Variants in ESPN observed in about 807,000 individuals in gnomAD.
The protein encoded by ESPN is autosomal recessive deafness type 36 protein.
ESPN carries 68 observed loss-of-function variants against 77.7 expected under a neutral mutation model. The observed-to-expected ratio is 0.87, with a 90% CI of 0.72 to 1.07. ESPN has a LOEUF of 1.07. Ranked by LOEUF, ESPN falls within the 50% of genes least tolerant of loss-of-function variation. ESPN has a pLI of 0.00. For missense variants in ESPN, 1,060 were observed against 1,239.0 expected (o/e 0.86, Z 2.17); for synonymous variants, 449 against 567.1 (o/e 0.79, Z 2.96).
In ESPN at chr1:6,451,510, T is replaced by C. The variant is rs1436508513; in HGVS notation, c.1916-93T>C. ...CCGGAGGATGGGCACCCATCCAATC[T>C]TGGCTTAGGAAAGGGGCTGCAGAGG... On this transcript the variant is annotated intron_variant, in intron 8 of 12. Transcript: ENST00000645284. This position sits in a 1 kb window ranked among gnomAD's most constrained non-coding sequence, Gnocchi z 4.3. 3.2e-5 allele frequency: 49 copies of C among 1,534,242 alleles called. No homozygotes were observed. The highest frequency in any genetic ancestry group is 4.1e-5 in the Non-Finnish European group (46 of 1,129,820).
rs77960510 is a variant in ESPN at position 6,427,215 on chromosome 1, A to C, written c.295-1011A>C. On this transcript the variant is annotated intron_variant, in intron 1 of 12. Transcript: ENST00000645284. This position sits in a 1 kb window ranked among gnomAD's most constrained non-coding sequence, Gnocchi z 4.6. Reference sequence around the variant, plus strand: ...GATCCTAGTGAAGTGTGTCCACTGCATCCTGCACCCAGAACCCTGCCCACC... The same window carrying C: ...GATCCTAGTGAAGTGTGTCCACTGCCTCCTGCACCCAGAACCCTGCCCACC... 0.077 allele frequency among the ~76,000 whole-genome samples: 11,710 copies of C among 152,020 alleles called. 568 individuals are homozygous for C. Among genetic ancestry groups the C allele is most frequent in the African/African-American group, 0.13 (5,435 of 41,422 alleles).
chr1:6,443,435 G>C lies in ESPN; in HGVS notation c.991-1046G>C, dbSNP rs532912070. On this transcript the variant is annotated intron_variant, in intron 5 of 12. Transcript: ENST00000645284. Reference sequence around the variant, plus strand: ...TTATCTGCTGCCTACAGGGGTCAGGGCTTGGTGCCCTCAGCACCCACTGCT... The same window carrying C: ...TTATCTGCTGCCTACAGGGGTCAGGCCTTGGTGCCCTCAGCACCCACTGCT... Among the ~76,000 whole-genome samples, 3 of 152,362 alleles carry C rather than the reference G, an allele frequency of 2.0e-5. No individual in the cohort carries two copies. In the East Asian group the frequency reaches 5.8e-4, roughly 29 times the overall value.
intron 5 of ESPN, among the ~76,000 whole-genome samples, chr1:6,442,418 A>G (rs2148521810): frequency 6.6e-6 from 1 of 151,730 alleles, no homozygotes; most frequent in Admixed American, 6.6e-5. Context: ...AAAATACAAA[A>G]AAAAATTTAG....
downstream of ESPN, chr1:6,461,151 T>TTTTG (rs1553170794): frequency 1.6e-6 from 1 of 639,094 alleles, no homozygotes; most frequent in South Asian, 1.5e-5. This position sits in a 1 kb window ranked among gnomAD's most constrained non-coding sequence, Gnocchi z 6.3. Context: ...CAAGAAGCCG[T>TTTTG]TTTTGTTTTG....
chr1:6,428,364 G>T lies in ESPN; in HGVS notation c.433G>T (p.Ala145Ser). 1 of 1,613,042 alleles carries T rather than the reference G, an allele frequency of 6.2e-7. No homozygotes were observed. The highest frequency in any genetic ancestry group is 1.3e-5 in the African/African-American group (1 of 75,036). The change falls in exon 2 of 13, where the codon GCT becomes TCT. Residue 145 changes from alanine (A) to serine (S), a missense_variant. By Grantham distance (99) the Ala-to-Ser change is moderately conservative (BLOSUM62 1). Around this residue, in one of 3 missense-constraint regions of ESPN, gnomAD observed 556 missense variants for 633.6 expected, o/e 0.88. Coordinates refer to ENST00000645284, the MANE Select transcript of ESPN (RefSeq NM_031475.3). The surrounding 1 kb of genome is among the most constrained non-coding windows in gnomAD (Gnocchi z 5.4). Reference sequence around the variant, plus strand: ...CATGGGCGCCCTGCCTATCCACTACGCTGCCGCCAAAGGAGACTTCCCCTC... The same window carrying T: ...CATGGGCGCCCTGCCTATCCACTACTCTGCCGCCAAAGGAGACTTCCCCTC... Reference protein sequence around the residue: ...TDMGALPIHYAAAKGDFPSLR... With the variant: ...TDMGALPIHYSAAKGDFPSLR...
chr1:6,457,670 T>G (rs1176961503), intron 12 of ESPN, among the ~76,000 whole-genome samples: 1 of 152,148 alleles, frequency 6.6e-6, no homozygotes, highest in Non-Finnish European at 1.5e-5. Flanking sequence ...CCTAGTCATC[T>G]CACCCAGCCC....
Position 6,428,633 on chromosome 1 carries a change from C to A in ESPN, c.488+214C>A, listed in dbSNP as rs1043490586. Among the ~76,000 whole-genome samples the A allele has an allele frequency of 2.6e-5, 4 of 152,172 alleles. No homozygotes were observed. Among genetic ancestry groups the A allele is most frequent in the African/African-American group, 9.6e-5 (4 of 41,452 alleles). ...TTCTGGGGCTGCCCCCAGAGCCCTG[C>A]AAGCAGGTGCTCCCAGCATCCTCAG... On this transcript the variant is annotated intron_variant, in intron 2 of 12. Coordinates refer to ENST00000645284, the MANE Select transcript of ESPN (RefSeq NM_031475.3). This position sits in a 1 kb window ranked among gnomAD's most constrained non-coding sequence, Gnocchi z 5.4.
chr1:6,429,173 G>C lies in ESPN; in HGVS notation c.488+754G>C, dbSNP rs540385483. On this transcript the variant is annotated intron_variant, in intron 2 of 12. Transcript: ENST00000645284. ...GGGATCCTGGGGAAAGCTGCCCAGG[G>C]CCTGTCTGAGAGGGTAGGGTGCCAG... Among the ~76,000 whole-genome samples, 11 of 152,084 alleles carry C rather than the reference G, an allele frequency of 7.2e-5. No individual in the cohort carries two copies. In the East Asian group the frequency reaches 2.1e-3, roughly 30 times the overall value.
rs1643895980 is a variant in ESPN at position 6,448,825 on chromosome 1, G to C, written c.1649G>C (p.Arg550Pro). ...GAGGTGCGTGCCCGCCAGCCCGCGCGCGCCGGCTGCCCGCGCCTCGGCCCT... is the reference window on the plus strand; with the variant it reads ...GAGGTGCGTGCCCGCCAGCCCGCGCCCGCCGGCTGCCCGCGCCTCGGCCCT... ...SEEVRARQPA[R>P]AGCPRLGPAA... is the part of the protein sequence containing the mutation. Residue 550 changes from arginine (R) to proline (P), a missense_variant, in exon 8 of 13, where the codon CGC becomes CCC. By Grantham distance (103) the Arg-to-Pro change is moderately radical (BLOSUM62 -2). Coordinates refer to ENST00000645284, the MANE Select transcript of ESPN (RefSeq NM_031475.3). The C allele has an allele frequency of 2.4e-6, 3 of 1,239,124 alleles. No individual in the cohort carries two copies. Among genetic ancestry groups the C allele is most frequent in the African/African-American group, 3.1e-5 (2 of 63,826 alleles). The allele number at this position is 1,239,124 out of a possible 1,614,324, so 76.8% of individuals were successfully genotyped here.
rs79653743 is a variant in ESPN at position 6,450,937 on chromosome 1, T to C, written c.1916-666T>C. On this transcript the variant is annotated intron_variant, in intron 8 of 12. Transcript: ENST00000645284. This position sits in a 1 kb window ranked among gnomAD's most constrained non-coding sequence, Gnocchi z 4.3. ...CTCTGCCCTGGGTGTTTCCATATTA[T>C]CCGCCTGCCCTTCCTCCTGGGTGCC... Among the ~76,000 whole-genome samples the C allele has an allele frequency of 0.082, 12,553 of 152,222 alleles. 1,557 individuals are homozygous for C. Among genetic ancestry groups the C allele is most frequent in the African/African-American group, 0.27 (11,308 of 41,492 alleles).
chr1:6,447,019 A>G lies in ESPN; in HGVS notation c.1464+1084A>G, dbSNP rs1643862706. 1 of 152,302 alleles carries G rather than the reference A, an allele frequency of 6.6e-6. No homozygotes were observed. The highest frequency in any genetic ancestry group is 6.5e-5 in the Admixed American group (1 of 15,286). The allele number at this position is 152,302 out of a possible 1,614,324, so 9.4% of individuals were successfully genotyped here. ...GGCAGAGGGGGCCCTGGAATCGCTGAGTTCCCAACGCAGACTGTTGGCCCC... is the reference window on the plus strand; with the variant it reads ...GGCAGAGGGGGCCCTGGAATCGCTGGGTTCCCAACGCAGACTGTTGGCCCC... On this transcript the variant is annotated intron_variant, in intron 7 of 12. Transcript: ENST00000645284. The surrounding 1 kb of genome is among the most constrained non-coding windows in gnomAD (Gnocchi z 5.2).
chr1:6,451,192 G>A lies in ESPN; in HGVS notation c.1916-411G>A. On this transcript the variant is annotated intron_variant, in intron 8 of 12. Coordinates refer to ENST00000645284, the MANE Select transcript of ESPN (RefSeq NM_031475.3). This position sits in a 1 kb window ranked among gnomAD's most constrained non-coding sequence, Gnocchi z 4.3. ...GGGTCACTGAGGCTTTGCTGATGTA[G>A]GGAGAGGGCCAGAGGGAGGCTCCAC... The A allele has an allele frequency of 2.9e-6, 1 of 345,700 alleles. No homozygotes were observed. The allele number at this position is 345,700 out of a possible 1,614,324, so 21.4% of individuals were successfully genotyped here. A position where few individuals can be genotyped will look rare whatever the true frequency, so the allele number is the denominator to read the frequency against.
chr1:6,452,721 G>A (rs924615148), intron 10 of ESPN, among the ~76,000 whole-genome samples: 4 of 152,178 alleles, frequency 2.6e-5, no homozygotes, highest in Admixed American at 1.3e-4. Flanking sequence ...AGAGGGCTTT[G>A]GTCTCAGTCT....
At chr1:6,455,003 C>A (rs1443821509) in intron 10 of ESPN, 2 of 376,138 alleles carry the variant, frequency 5.3e-6, no homozygotes, top group Non-Finnish European at 9.4e-6. Context: ...GCGCGGCGCC[C>A]GCGCGCTGTC....
At chr1:6,426,880 G>A (rs1643056475) in intron 1 of ESPN, among the ~76,000 whole-genome samples, 1 of 152,102 alleles carries the variant, frequency 6.6e-6, no homozygotes, top group Admixed American at 6.5e-5. Context: ...GGGCCTCGGT[G>A]TTGTCCTCAG....
In ESPN at chr1:6,441,685, G is replaced by T. The variant is rs115951899; in HGVS notation, c.990+620G>T. On this transcript the variant is annotated intron_variant, in intron 5 of 12. Coordinates refer to ENST00000645284, the MANE Select transcript of ESPN (RefSeq NM_031475.3). ...CAAGTGCAGGGCTCTGCACCATCTG[G>T]TACAATGCCTGCTATGAGGCAATAG... 8.1e-3 allele frequency among the ~76,000 whole-genome samples: 1,229 copies of T among 152,386 alleles called. 12 individuals are homozygous for T. Among genetic ancestry groups the T allele is most frequent in the African/African-American group, 0.028 (1,162 of 41,586 alleles).
intron 8 of ESPN, among the ~76,000 whole-genome samples, chr1:6,449,292 C>T (rs74049579): frequency 6.6e-6 from 1 of 152,368 alleles, no homozygotes; most frequent in African/African-American, 2.4e-5. Flanking sequence ...CACGACCGGG[C>T]TGCACGGCCT....
intron 2 of ESPN, among the ~76,000 whole-genome samples, chr1:6,436,061 C>A (rs1317891901): frequency 6.6e-6 from 1 of 152,310 alleles, no homozygotes; most frequent in South Asian, 2.1e-4. Flanking sequence ...TGTGCCCCAG[C>A]AGCTGGCAAA....
chr1:6,428,455 G>T lies in ESPN; in HGVS notation c.488+36G>T. On this transcript the variant is annotated intron_variant, in intron 2 of 12. Transcript: ENST00000645284. The surrounding 1 kb of genome is among the most constrained non-coding windows in gnomAD (Gnocchi z 5.4). ...CCCTCTTAAGGGGTCCTCTGGGTGG[G>T]CTGGGCCAGGGCTTTGGGGGATGCC... The T allele has an allele frequency of 6.4e-7, 1 of 1,565,510 alleles. No homozygotes were observed. Among genetic ancestry groups the T allele is most frequent in the Non-Finnish European group, 8.7e-7 (1 of 1,147,270 alleles).
Sources: gnomAD v4.1 joint callset for allele counts (sites outside exome capture counted in the v4.1 genomes callset) on GRCh38, gnomAD v4.1.1 for gene constraint, gnomAD v4.1.1 regional missense constraint, Gnocchi (gnomAD v3.1) non-coding constraint, MANE v1.5 for transcripts, NCBI Gene and HGNC (gene_info 2026-07-23, HGNC 2026-07-21) for gene names.